The following SHANK2 variants were observed in gnomAD, a reference collection of about 807,000 sequenced individuals.
The protein encoded by SHANK2 is SH3 and multiple ankyrin repeat domains protein 2.
SHANK2 carries 43 observed loss-of-function variants against 133.7 expected under a neutral mutation model. That is an observed-to-expected ratio of 0.32 (90% CI 0.25 to 0.41). SHANK2 has a LOEUF of 0.41. SHANK2 is among the 10% of genes least tolerant of loss of function. SHANK2 has a pLI of 1.00. For synonymous variants in SHANK2, 1,017 were observed against 952.8 expected (o/e 1.07, Z -1.24); for missense variants, 1,994 against 2,235.8 (o/e 0.89, Z 2.18).
chr11:70,649,066 AGAGTGTCCAATGGC>A (rs2061306704), intron 17 of SHANK2, among the ~76,000 whole-genome samples: 2 of 152,072 alleles, frequency 1.3e-5, no homozygotes, highest in African/African-American at 4.8e-5. Flanking sequence ...GAGACCAGAG[AGAGTGTCCAATGGC>A]GACGTTCATC....
intron 17 of SHANK2, among the ~76,000 whole-genome samples, chr11:70,512,528 T>C (rs2059217573): frequency 6.6e-6 from 1 of 152,250 alleles, no homozygotes; most frequent in Non-Finnish European, 1.5e-5. Context: ...ATAATTTTGT[T>C]TGTTGGTCGG....
At chr11:70,908,489 A>G (rs1455013880) in intron 10 of SHANK2, among the ~76,000 whole-genome samples, 1 of 152,196 alleles carries the variant, frequency 6.6e-6, no homozygotes, top group Non-Finnish European at 1.5e-5. Flanking sequence ...TTCCTGCCAC[A>G]GTTTCATTCT....
At chr11:71,182,856 A>G (rs1261301886) in intron 2 of SHANK2, among the ~76,000 whole-genome samples, 5 of 152,188 alleles carry the variant, frequency 3.3e-5, no homozygotes, top group African/African-American at 7.2e-5. Flanking sequence ...CCTAAGCTCA[A>G]TGTTTCTCTC....
At chr11:71,176,917 T>C (rs1207361135) in intron 2 of SHANK2, among the ~76,000 whole-genome samples, 4 of 151,956 alleles carry the variant, frequency 2.6e-5, no homozygotes, top group Non-Finnish European at 4.4e-5. Context: ...AGGCACAACA[T>C]AACAAAATGG....
At chr11:70,827,159 A>C (rs1311065058) in intron 11 of SHANK2, among the ~76,000 whole-genome samples, 38 of 151,386 alleles carry the variant, frequency 2.5e-4, no homozygotes, top group African/African-American at 9.0e-4. Flanking sequence ...CACGACCTAT[A>C]TTTCTGTTCA....
In SHANK2 at chr11:70,896,238, T is replaced by C. The variant is rs1019932027; in HGVS notation, c.1174+263A>G. On this transcript the variant is annotated intron_variant, in intron 11 of 25. Coordinates refer to ENST00000601538, the MANE Select transcript of SHANK2 (RefSeq NM_012309.5). Reference sequence around the variant, plus strand: ...TGGAAAGAAACCTTGCAACAGGGACTGTCAGAATAGATCAGAACATCATCC... The same window carrying C: ...TGGAAAGAAACCTTGCAACAGGGACCGTCAGAATAGATCAGAACATCATCC... 1.4e-5 allele frequency: 5 copies of C among 366,998 alleles called. No individual in the cohort carries two copies. The East Asian group carries it at 2.0e-4, about 15-fold the overall frequency. The allele number at this position is 366,998 out of a possible 1,614,324, so 22.7% of individuals were successfully genotyped here.
chr11:70,485,661 G>A lies in SHANK2; in HGVS notation c.4632C>T (p.Pro1544=). ...ADGQAFMVDK[P]PVPPKPKMKP... Reference sequence around the variant, plus strand: ...TCATTTTTGGCTTAGGAGGTACTGGGGGTTTGTCAACCATAAATGCTTGCC... The same window carrying A: ...TCATTTTTGGCTTAGGAGGTACTGGAGGTTTGTCAACCATAAATGCTTGCC... The change falls in exon 25 of 26, where the codon CCC becomes CCT. Residue 1544 remains proline, a synonymous_variant. Transcript: ENST00000601538. This position sits in a 1 kb window ranked among gnomAD's most constrained non-coding sequence, Gnocchi z 5.8. The A allele has an allele frequency of 1.2e-6, 2 of 1,614,090 alleles. No homozygotes were observed. Among genetic ancestry groups the A allele is most frequent in the African/African-American group, 1.3e-5 (1 of 75,050 alleles).
intron 17 of SHANK2, among the ~76,000 whole-genome samples, chr11:70,654,717 A>G (rs1591710001): frequency 6.9e-6 from 1 of 145,214 alleles, no homozygotes; most frequent in Admixed American, 6.8e-5. Flanking sequence ...CCCTGCCCCA[A>G]CTCCTTGTTT....
intron 17 of SHANK2, among the ~76,000 whole-genome samples, chr11:70,539,628 T>C (rs1025677563): frequency 7.7e-6 from 1 of 129,930 alleles, no homozygotes; most frequent in Non-Finnish European, 1.7e-5. Context: ...CCGGCGCTCT[T>C]ATCTACCCAG....
At chr11:70,546,735 T>C (rs57232349) in intron 17 of SHANK2, among the ~76,000 whole-genome samples, 173 of 152,234 alleles carry the variant, frequency 1.1e-3, no homozygotes, top group African/African-American at 4.1e-3. Flanking sequence ...CCCAGTCCCC[T>C]CCCTGGGAAC....
rs557711749 is a variant in SHANK2, at chr11:70,528,494, C to T, written c.2062-25563G>A. ...GGAGGGGCTGGATGGGGCTCTTTCC[C>T]GTTTACTGCGCAGTGTTCAAGTTGC... On this transcript the variant is annotated intron_variant, in intron 17 of 25. Coordinates refer to ENST00000601538, the MANE Select transcript of SHANK2 (RefSeq NM_012309.5). 3.3e-5 allele frequency among the ~76,000 whole-genome samples: 5 copies of T among 152,228 alleles called. No individual in the cohort carries two copies. The South Asian group carries it at 6.2e-4, about 19-fold the overall frequency.
chr11:71,231,134 A>G (rs1195692653), intron 1 of SHANK2, among the ~76,000 whole-genome samples: 1 of 152,246 alleles, frequency 6.6e-6, no homozygotes. Context: ...CACAAACCAT[A>G]GAGTGGGAGA....
At chr11:71,086,314 G>A (rs1951414763) in intron 8 of SHANK2, among the ~76,000 whole-genome samples, 2 of 91,690 alleles carry the variant, frequency 2.2e-5, no homozygotes, top group African/African-American at 4.5e-5. Flanking sequence ...ATAAGATATA[G>A]TATATGTTAT....
At chr11:70,727,402 G>A (rs928238428) in intron 14 of SHANK2, among the ~76,000 whole-genome samples, 1 of 152,188 alleles carries the variant, frequency 6.6e-6, no homozygotes, top group Non-Finnish European at 1.5e-5. Context: ...GGGTTCCTTC[G>A]GGGATGCCAA....
chr11:70,860,493 C>T (rs1446734361), intron 11 of SHANK2, among the ~76,000 whole-genome samples: 4 of 152,208 alleles, frequency 2.6e-5, no homozygotes, highest in Non-Finnish European at 4.4e-5. Context: ...GTGTGTATTT[C>T]GTCTGTCCAT....
At chr11:70,536,453 G>A (rs2059545599) in intron 17 of SHANK2, among the ~76,000 whole-genome samples, 1 of 152,172 alleles carries the variant, frequency 6.6e-6, no homozygotes, top group South Asian at 2.1e-4. Context: ...CACCCAGGCT[G>A]GCGAGCTGTC....
chr11:71,213,706 C>G lies in SHANK2; in HGVS notation c.-13+10991G>C, dbSNP rs1367302721. ...CCTGAGCACCGGGCTGATCTTCCTT[C>G]TACAAACATGTCATCTCCCTCTCTG... On this transcript the variant is annotated intron_variant, in intron 2 of 25. Transcript: ENST00000601538. Among the ~76,000 whole-genome samples the G allele has an allele frequency of 7.9e-5, 12 of 152,346 alleles. No individual in the cohort carries two copies. In the South Asian group the frequency reaches 8.3e-4, roughly 11 times the overall value.
At chr11:71,066,144 TGGGTG>T (rs1565432910) in intron 9 of SHANK2, among the ~76,000 whole-genome samples, 3 of 34,254 alleles carry the variant, frequency 8.8e-5, no homozygotes, top group Admixed American at 3.6e-4. Flanking sequence ...GTGGGGAAGT[TGGGTG>T]GGGGGGGTGC....
intron 2 of SHANK2, among the ~76,000 whole-genome samples, chr11:71,185,851 G>A (rs549302731): frequency 5.3e-5 from 8 of 151,454 alleles, no homozygotes; most frequent in African/African-American, 1.9e-4. Flanking sequence ...CTATTGTGAC[G>A]AGACACCAAT....
Sources: gnomAD v4.1 joint callset for allele counts (sites outside exome capture counted in the v4.1 genomes callset) on GRCh38, gnomAD v4.1.1 for gene constraint, Gnocchi (gnomAD v3.1) non-coding constraint, MANE v1.5 for transcripts, NCBI Gene and HGNC (gene_info 2026-07-23, HGNC 2026-07-21) for gene names.